DISC1: variants seen among roughly 807,000 people sequenced by gnomAD.
The protein encoded by DISC1 is disrupted in schizophrenia 1 protein.
Under a neutral mutation model 84.5 loss-of-function variants are expected in DISC1, and 57 were observed. The ratio of observed to expected loss-of-function variants is 0.67; its 90% CI spans 0.55 to 0.84. The LOEUF (loss-of-function observed/expected upper bound fraction) is 0.84, where lower values mean the gene tolerates loss of function less well. Ranked by LOEUF, DISC1 falls within the 40% of genes least tolerant of loss-of-function variation. The pLI is 0.00. For synonymous variants in DISC1, 411 were observed against 415.2 expected (o/e 0.99, Z 0.12); for missense variants, 1,000 against 1,057.8 (o/e 0.95, Z 0.76).
intron 3 of DISC1, among the ~76,000 whole-genome samples, chr1:231,711,883 A>C (rs1004218283): frequency 6.6e-6 from 1 of 152,200 alleles, no homozygotes; most frequent in African/African-American, 2.4e-5. Flanking sequence ...CTCCCCAAAG[A>C]TACCCACATC....
chr1:231,958,741 C>A, intron 9 of DISC1, 87 bp from the exon 10 acceptor site: 1 of 1,330,366 alleles, frequency 7.5e-7, no homozygotes, highest in South Asian at 1.2e-5. Flanking sequence ...TGACCTCAAT[C>A]CTTTGGCTTT....
intron 9 of DISC1, among the ~76,000 whole-genome samples, chr1:231,934,442 T>A (rs1184312375): frequency 6.6e-6 from 1 of 152,240 alleles, no homozygotes; most frequent in East Asian, 1.9e-4. Context: ...CAAGAACAGC[T>A]GCTCTTAAAT....
At chr1:231,700,149 A>C (rs944461305) in intron 2 of DISC1, among the ~76,000 whole-genome samples, 1 of 152,076 alleles carries the variant, frequency 6.6e-6, no homozygotes, top group Non-Finnish European at 1.5e-5. Context: ...TTCCTTTTTC[A>C]TAGCATTAAT....
rs551024716 is a variant in DISC1, at chr1:232,017,291, A to G, written c.2307+8242A>G. ...TCTGGTTTACCTCAAGCCAGAGGAG[A>G]AGGAGTGAGACTTGACAATGTAACA... On this transcript the variant is annotated intron_variant, in intron 11 of 12. Transcript: ENST00000439617. Among the ~76,000 whole-genome samples, 26 of 152,270 alleles carry G rather than the reference A, an allele frequency of 1.7e-4. No individual in the cohort carries two copies. In the South Asian group the frequency reaches 4.1e-3, roughly 24 times the overall value.
chr1:231,714,073 G>A (rs1305037860), intron 3 of DISC1, among the ~76,000 whole-genome samples: 2 of 151,890 alleles, frequency 1.3e-5, no homozygotes, highest in East Asian at 1.9e-4. Context: ...AGGTGTGAAA[G>A]TCAGTCATGT....
At chr1:231,827,483 T>A (rs1445164459) in intron 9 of DISC1, among the ~76,000 whole-genome samples, 2 of 152,242 alleles carry the variant, frequency 1.3e-5, no homozygotes, top group Non-Finnish European at 2.9e-5. Context: ...GGCATTATCA[T>A]GAGTTATGGC....
chr1:231,708,467 C>T (rs192587907), intron 3 of DISC1, among the ~76,000 whole-genome samples: 72 of 152,336 alleles, frequency 4.7e-4, no homozygotes, highest in African/African-American at 1.7e-3. Flanking sequence ...GTTTGGACAT[C>T]GGCATTTGTG....
chr1:231,929,054 C>T (rs1308551739), intron 9 of DISC1, among the ~76,000 whole-genome samples: 6 of 152,128 alleles, frequency 3.9e-5, no homozygotes, highest in Admixed American at 3.9e-4. Context: ...GTGGAGAGTT[C>T]TGTAGATGTC....
At chr1:231,704,731 G>A (rs1053545355) in intron 3 of DISC1, among the ~76,000 whole-genome samples, 28 of 132,342 alleles carry the variant, frequency 2.1e-4, no homozygotes, top group African/African-American at 8.0e-4. Flanking sequence ...CTGCACTCCA[G>A]CCTGGGCGAC....
At chr1:231,873,973 G>A (rs1361848983) in intron 9 of DISC1, among the ~76,000 whole-genome samples, 9 of 151,500 alleles carry the variant, frequency 5.9e-5, no homozygotes, top group Non-Finnish European at 1.5e-5. Context: ...CTCGGCCTCT[G>A]AGTAGCTGGG....
chr1:231,750,251 G>A (rs2074468434), intron 4 of DISC1, 175 bp downstream of exon 4: 1 of 1,418,996 alleles, frequency 7.0e-7, no homozygotes, highest in Non-Finnish European at 9.2e-7. Flanking sequence ...GATGGCCCAT[G>A]TGGGTCATGC....
chr1:231,875,171 A>G (rs886643517), intron 9 of DISC1, among the ~76,000 whole-genome samples: 3 of 152,158 alleles, frequency 2.0e-5, no homozygotes, highest in Non-Finnish European at 2.9e-5. Flanking sequence ...GGCAAGCTGA[A>G]TTTTTATTAA....
intron 9 of DISC1, among the ~76,000 whole-genome samples, chr1:231,856,717 T>C (rs2084297715): frequency 6.6e-6 from 1 of 152,204 alleles, no homozygotes; most frequent in Admixed American, 6.5e-5. Context: ...TTTTCCTTCA[T>C]ATCCTCTTGA....
chr1:231,838,476 G>A (rs1219291831), intron 9 of DISC1, among the ~76,000 whole-genome samples: 5 of 152,066 alleles, frequency 3.3e-5, no homozygotes, highest in Admixed American at 1.3e-4. Context: ...ACACATAAGC[G>A]GAGAAAAAAA....
At chr1:231,674,907 C>T (rs1339966673) in intron 1 of DISC1, among the ~76,000 whole-genome samples, 4 of 152,194 alleles carry the variant, frequency 2.6e-5, no homozygotes, top group African/African-American at 9.7e-5. Flanking sequence ...CCCATTCCTA[C>T]GCCCGCCCAG....
At chr1:231,703,813 C>T (rs2066705976) in intron 3 of DISC1, among the ~76,000 whole-genome samples, 1 of 152,232 alleles carries the variant, frequency 6.6e-6, no homozygotes, top group South Asian at 2.1e-4. Context: ...TCACTACTTA[C>T]TACATCAGAA....
intron 8 of DISC1, among the ~76,000 whole-genome samples, chr1:231,803,260 C>A (rs2079420802): frequency 1.3e-5 from 2 of 152,082 alleles, no homozygotes; most frequent in Admixed American, 1.3e-4. Context: ...GAGCAAGTGT[C>A]CCAAGAGAAA....
intron 9 of DISC1, among the ~76,000 whole-genome samples, chr1:231,903,665 G>A (rs2088380343): frequency 6.6e-6 from 1 of 152,180 alleles, no homozygotes; most frequent in African/African-American, 2.4e-5. Context: ...GATGTTCCAG[G>A]CAGAGGGAGC....
intron 12 of DISC1, among the ~76,000 whole-genome samples, chr1:232,036,294 T>A (rs2806463): frequency 0.14 from 20,955 of 152,160 alleles, 1,579 homozygotes; most frequent in South Asian, 0.21. Context: ...AGATTTTGAT[T>A]TCAAGCATTC....
Sources: allele counts gnomAD v4.1 joint callset (sites outside exome capture counted in the v4.1 genomes callset), GRCh38; gene constraint gnomAD v4.1.1; transcripts MANE v1.5; gene names NCBI Gene and HGNC (gene_info 2026-07-23, HGNC 2026-07-21).